FBXO17: variants seen among roughly 807,000 people sequenced by gnomAD.
FBXO17 encodes F-box protein 17, also known as F-box only protein 17.
FBXO17 carries 43 observed loss-of-function variants against 34.1 expected under a neutral mutation model. That is an observed-to-expected ratio of 1.26 (90% CI 0.99 to 1.62). The LOEUF is 1.62. Ranked by LOEUF, FBXO17 falls within the 40% of genes most tolerant of loss-of-function variation. The pLI is 0.00. For missense variants in FBXO17, 424 were observed against 386.7 expected, an observed-to-expected ratio of 1.10 and a Z score of -0.81; for synonymous variants, 169 against 166.0, an observed-to-expected ratio of 1.02 and a Z score of -0.14.
chr19:38,959,809 T>A (rs780526357), intron 1 of FBXO17, among the ~76,000 whole-genome samples: 2 of 151,908 alleles, frequency 1.3e-5, no homozygotes, highest in Non-Finnish European at 2.9e-5. Flanking sequence ...GGTGAGAGGA[T>A]TGCTTGTGGC....
At chr19:38,946,626 A>G in intron 3 of FBXO17, 59 bp from the exon 4 acceptor site, 1 of 1,601,256 alleles carries the variant, frequency 6.2e-7, no homozygotes, top group South Asian at 1.1e-5. Flanking sequence ...AGTCACAGTC[A>G]GAAGCCACCT....
chr19:38,963,484 G>C (rs1975280599), intron 1 of FBXO17, among the ~76,000 whole-genome samples: 1 of 151,794 alleles, frequency 6.6e-6, no homozygotes, highest in African/African-American at 2.4e-5. Context: ...TTTTGAGACA[G>C]GGTCTTGCTA....
rs1259901601 is a variant in FBXO17, at chr19:38,948,600, G to T, written c.428C>A (p.Ala143Asp). 1 of 1,614,118 alleles carries T rather than the reference G, an allele frequency of 6.2e-7. No homozygotes were observed. Among genetic ancestry groups the T allele is most frequent in the Admixed American group, 1.7e-5 (1 of 59,998 alleles). Residue 143 changes from alanine to aspartate, a missense_variant, in exon 3 of 6, where the codon GCT becomes GAT. Coordinates refer to ENST00000292852, the MANE Select transcript of FBXO17 (RefSeq NM_024907.7). ...IEKNLTPVPG[A>D]PSQTCFVTSF... is the part of the protein sequence containing the mutation. The stretch of plus-strand genomic sequence containing the variant: ...GGTCACGAAGCAGGTCTGCGAAGGA[G>T]CCCCAGGCACCGGTGTTAGGTTCTT...
At chr19:38,961,041 C>A (rs929512118) in intron 1 of FBXO17, among the ~76,000 whole-genome samples, 1 of 152,108 alleles carries the variant, frequency 6.6e-6, no homozygotes, top group African/African-American at 2.4e-5. Flanking sequence ...CTCCTGACCT[C>A]AAGTGATCCT....
intron 1 of FBXO17, among the ~76,000 whole-genome samples, chr19:38,950,829 G>A (rs1431914183): frequency 6.6e-6 from 1 of 151,692 alleles, no homozygotes. Flanking sequence ...TTGCTCTGTT[G>A]CCCAGGCTAG....
intron 1 of FBXO17, among the ~76,000 whole-genome samples, chr19:38,964,417 C>T (rs912719252): frequency 3.9e-5 from 6 of 151,944 alleles, no homozygotes; most frequent in Non-Finnish European, 5.9e-5. Flanking sequence ...CTCACTGCAA[C>T]CTCTGCCTCC....
intron 1 of FBXO17, among the ~76,000 whole-genome samples, chr19:38,969,459 A>G (rs925764066): frequency 1.3e-5 from 2 of 151,416 alleles, no homozygotes; most frequent in African/African-American, 4.8e-5. Context: ...AAAAAGAAAG[A>G]AAAGAAAAAA....
intron 1 of FBXO17, among the ~76,000 whole-genome samples, chr19:38,962,811 G>A (rs1262393914): frequency 6.6e-6 from 1 of 151,832 alleles, no homozygotes; most frequent in Non-Finnish European, 1.5e-5. Flanking sequence ...CTGCCTCCTG[G>A]GTTCAAACTA....
rs773925912 is a variant in FBXO17, at chr19:38,942,663, T to C, written c.782A>G (p.His261Arg). The C allele has an allele frequency of 2.5e-6, 4 of 1,600,408 alleles. No homozygotes were observed. Among genetic ancestry groups the C allele is most frequent in the East Asian group, 2.3e-5 (1 of 43,260 alleles). The part of the protein sequence containing the change: ...YGRDVSSWVG[H>R]YGALVTHSSV... ...GGAGTGGGTCACAAGGGCGCCATAG[T>C]GCCCCACCCAGGAACTCACGTCTCT... Residue 261 changes from histidine (H) to arginine (R), a missense_variant, in exon 6 of 6, where the codon CAC (histidine) becomes CGC (arginine). His to Arg is a conservative substitution (Grantham distance 29, BLOSUM62 0). Coordinates refer to ENST00000292852, the MANE Select transcript of FBXO17 (RefSeq NM_024907.7).
At chr19:38,960,291 CTT>C (rs55974809) in intron 1 of FBXO17, among the ~76,000 whole-genome samples, 9,074 of 147,202 alleles carry the variant, frequency 0.062, 372 homozygotes, top group East Asian at 0.2. Flanking sequence ...GCCATTATTC[CTT>C]TTTTTTTTTT....
intron 1 of FBXO17, among the ~76,000 whole-genome samples, chr19:38,964,058 G>A (rs577879750): frequency 6.6e-6 from 1 of 152,176 alleles, no homozygotes; most frequent in East Asian, 1.9e-4. Flanking sequence ...TGCTGGGATT[G>A]TAAGAGTGAG....
rs1265105809 is a variant in FBXO17, at chr19:38,975,656, G to C, written c.-88C>G. On this transcript the variant is annotated 5_prime_UTR_variant, in exon 1 of 6. Transcript: ENST00000292852. The surrounding 1 kb of genome is among the most constrained non-coding windows in gnomAD (Gnocchi z 4.9). ...TCCCACTTTGTTCTGGGAGGCAGTC[G>C]AGGGGCTCCCCGTGATCGGCGTGGC... The C allele has an allele frequency of 1.3e-5, 2 of 152,220 alleles. No homozygotes were observed. The highest frequency in any genetic ancestry group is 2.9e-5 in the Non-Finnish European group (2 of 68,098). 9.4% of individuals were successfully genotyped at this position (152,220 alleles called of 1,614,324 possible).
chr19:38,960,414 T>TAGCAGCTGAAGTGAGGAGACCCG (rs1343530238), intron 1 of FBXO17, among the ~76,000 whole-genome samples: 1 of 152,122 alleles, frequency 6.6e-6, no homozygotes, highest in Admixed American at 6.6e-5. Flanking sequence ...CATCCTAGTC[T>TAGCAGCTGAAGTGAGGAGACCCG]AGCAGCTGAA....
At chr19:38,974,406 G>A (rs1171829430) in intron 1 of FBXO17, among the ~76,000 whole-genome samples, 3 of 152,086 alleles carry the variant, frequency 2.0e-5, no homozygotes, top group African/African-American at 7.2e-5. Context: ...TTAAAAAGAA[G>A]CTCCTTAGCC....
intron 1 of FBXO17, among the ~76,000 whole-genome samples, chr19:38,965,940 C>T (rs1167896605): frequency 6.6e-6 from 1 of 152,042 alleles, no homozygotes; most frequent in African/African-American, 2.4e-5. Flanking sequence ...TTGCTCCCAG[C>T]CTCAACATTC....
At chr19:38,957,224 A>G (rs1466398575) in intron 1 of FBXO17, among the ~76,000 whole-genome samples, 1 of 152,168 alleles carries the variant, frequency 6.6e-6, no homozygotes, top group Non-Finnish European at 1.5e-5. Context: ...TGTCTCAAAA[A>G]TAAATAAATA....
At chr19:38,959,532 A>C (rs1447114080) in intron 1 of FBXO17, among the ~76,000 whole-genome samples, 1 of 145,358 alleles carries the variant, frequency 6.9e-6, no homozygotes, top group Non-Finnish European at 1.5e-5. Context: ...TGATCAGCCC[A>C]CCTTGGCCTC....
In FBXO17 at chr19:38,942,452, C is replaced by T. The variant is rs1221181314; in HGVS notation, c.*156G>A. 1.0e-5 allele frequency: 7 copies of T among 675,406 alleles called. No homozygotes were observed. Among genetic ancestry groups the T allele is most frequent in the South Asian group, 3.6e-5 (1 of 27,416 alleles). The allele number at this position is 675,406 out of a possible 1,614,324, so 41.8% of individuals were successfully genotyped here. On this transcript the variant is annotated 3_prime_UTR_variant, in exon 6 of 6. Transcript: ENST00000292852. The stretch of plus-strand genomic sequence containing the variant: ...ATTTTTTAAAAATTATTTGTGGAGA[C>T]GGTTTCACTATGTTGCCCAGGCTGG...
At chr19:38,946,404 G>A in intron 4 of FBXO17, 68 bp downstream of exon 4, 2 of 1,604,574 alleles carry the variant, frequency 1.2e-6, no homozygotes, top group East Asian at 2.2e-5. Flanking sequence ...GGCGGGAAAT[G>A]AGCCCCTGTT....
Sources: gnomAD v4.1 joint callset for allele counts (sites outside exome capture counted in the v4.1 genomes callset) on GRCh38, gnomAD v4.1.1 for gene constraint, Gnocchi (gnomAD v3.1) non-coding constraint, MANE v1.5 for transcripts, NCBI Gene and HGNC (gene_info 2026-07-23, HGNC 2026-07-21) for gene names.